Variants in LAMA2 observed in about 807,000 individuals in gnomAD.
LAMA2 encodes the protein laminin subunit alpha 2, also known as laminin subunit alpha-2.
In LAMA2, 269 loss-of-function variants were observed where a neutral mutation model predicts 364.8. The observed-to-expected ratio is 0.74, with a 90% CI of 0.67 to 0.82. LAMA2 has a LOEUF of 0.82. LAMA2 is among the 40% of genes least tolerant of loss of function. LAMA2 has a pLI of 0.00. For synonymous variants in LAMA2, 1,379 were observed against 1,370.6 expected (o/e 1.01, Z -0.14); for missense variants, 3,807 against 3,873.2 (o/e 0.98, Z 0.45).
intron 1 of LAMA2, among the ~76,000 whole-genome samples, chr6:128,941,245 C>T (rs1247354775): frequency 6.6e-6 from 1 of 152,058 alleles, no homozygotes; most frequent in Non-Finnish European, 1.5e-5. Context: ...TTCGAACATT[C>T]AACAAACACT....
At chr6:129,227,484 G>T (rs575459668) in intron 12 of LAMA2, among the ~76,000 whole-genome samples, 8 of 152,290 alleles carry the variant, frequency 5.3e-5, no homozygotes, top group Non-Finnish European at 1.0e-4. Flanking sequence ...GGTCTTTGAT[G>T]ATGATGTACG....
chr6:128,997,088 G>C (rs1783995000), intron 1 of LAMA2, among the ~76,000 whole-genome samples: 1 of 151,436 alleles, frequency 6.6e-6, no homozygotes, highest in South Asian at 2.1e-4. Flanking sequence ...AGAACATATG[G>C]ACGGACACAG....
chr6:129,434,611 A>G (rs766644465), intron 41 of LAMA2, among the ~76,000 whole-genome samples: 48 of 152,194 alleles, frequency 3.2e-4, no homozygotes, highest in Middle Eastern at 3.2e-3. Context: ...TTTTCTTTTA[A>G]CTATCGATAA....
intron 17 of LAMA2, among the ~76,000 whole-genome samples, chr6:129,275,786 T>C (rs1399627732): frequency 6.6e-6 from 1 of 151,796 alleles, no homozygotes; most frequent in Non-Finnish European, 1.5e-5. Context: ...TAATTTATTA[T>C]GGCAATATGC....
Position 129,206,070 on chromosome 6 carries a change from A to AAG in LAMA2, c.1782+13217_1782+13218insAG, listed in dbSNP as rs1562330767. The stretch of plus-strand genomic sequence containing the variant: ...AAAAAAGGAAGGGAAGGGAAGGGAA[A>AAG]GGAAAGGAAAGGAGGAAGGAAGGGA... On this transcript the variant is annotated intron_variant, in intron 12 of 64. Coordinates refer to ENST00000421865, the MANE Select transcript of LAMA2 (RefSeq NM_000426.4). 3.6e-3 allele frequency among the ~76,000 whole-genome samples: 334 copies of AAG among 92,472 alleles called. 12 individuals carry two copies. The highest frequency in any genetic ancestry group is 0.015 in the African/African-American group (300 of 20,526). 60.7% of individuals were successfully genotyped at this position (92,472 alleles called of 152,430 possible).
At chr6:129,499,011 G>A (rs975815642) in intron 58 of LAMA2, among the ~76,000 whole-genome samples, 4 of 152,076 alleles carry the variant, frequency 2.6e-5, no homozygotes, top group African/African-American at 9.7e-5. Flanking sequence ...TGGGAGCATG[G>A]CTTCCTCCAT....
intron 1 of LAMA2, among the ~76,000 whole-genome samples, chr6:128,935,614 C>T (rs996155566): frequency 1.8e-4 from 27 of 152,122 alleles, no homozygotes; most frequent in African/African-American, 5.1e-4. Flanking sequence ...TATAGATGCA[C>T]GACTGATTTT....
At chr6:129,091,569 G>A (rs995713351) in intron 3 of LAMA2, among the ~76,000 whole-genome samples, 2 of 152,206 alleles carry the variant, frequency 1.3e-5, no homozygotes, top group Non-Finnish European at 2.9e-5. Context: ...ACTTGTGGGG[G>A]TAGGGGTAGG....
chr6:129,323,513 A>G (rs540169669), intron 28 of LAMA2, among the ~76,000 whole-genome samples: 15 of 152,254 alleles, frequency 9.9e-5, no homozygotes, highest in Admixed American at 2.6e-4. Flanking sequence ...CCTAATTATT[A>G]TAATTTACTA....
chr6:129,102,978 G>A (rs547339063), intron 4 of LAMA2, among the ~76,000 whole-genome samples: 1 of 152,162 alleles, frequency 6.6e-6, no homozygotes, highest in South Asian at 2.1e-4. Context: ...TCCCACCCAT[G>A]CAGTCCTGGA....
In LAMA2 at chr6:129,037,666, A is replaced by ATTT. The variant is rs375410908; in HGVS notation, c.113-12237_113-12235dup. ...TACTCCACAATATTCATTTAATTTA[A>ATTT]TTTTTTTTTTTTTTTTTGAGACGGA... On this transcript the variant is annotated intron_variant, in intron 1 of 64. Coordinates refer to ENST00000421865, the MANE Select transcript of LAMA2 (RefSeq NM_000426.4). Among the ~76,000 whole-genome samples the ATTT allele has an allele frequency of 4.5e-4, 64 of 140,760 alleles. 1 individual carries two copies. Among genetic ancestry groups the ATTT allele is most frequent in the Middle Eastern group, 3.7e-3 (1 of 272 alleles). 92.3% of individuals were successfully genotyped at this position (140,760 alleles called of 152,430 possible).
At chr6:128,969,324 G>A (rs1489389880) in intron 1 of LAMA2, among the ~76,000 whole-genome samples, 1 of 152,126 alleles carries the variant, frequency 6.6e-6, no homozygotes, top group Non-Finnish European at 1.5e-5. Context: ...AATTTCTAAA[G>A]ACAGTGGACA....
At chr6:129,400,011 A>G (rs1779877652) in intron 37 of LAMA2, among the ~76,000 whole-genome samples, 1 of 152,146 alleles carries the variant, frequency 6.6e-6, no homozygotes, top group Non-Finnish European at 1.5e-5. Flanking sequence ...CCAAAAACTG[A>G]GTGGCTTATA....
rs1054141161 is a variant in LAMA2 at position 129,098,327 on chromosome 6, C to T, written c.551C>T (p.Pro184Leu). 6.2e-7 allele frequency: 1 copy of T among 1,613,980 alleles called. No individual in the cohort carries two copies. Among genetic ancestry groups the T allele is most frequent in the Non-Finnish European group, 8.5e-7 (1 of 1,179,962 alleles). Residue 184 changes from proline to leucine, a missense_variant, in exon 4 of 65, where the codon CCC becomes CTC. By Grantham distance (98) the Pro-to-Leu change is moderately conservative (BLOSUM62 -3). This residue lies in a region of LAMA2 where 394 missense variants were observed against 403.5 expected (regional missense o/e 0.98). Transcript: ENST00000421865. ...TECLTLYNIY[P>L]RTGPPSYAKD... ...TGCCTAACGCTTTACAATATTTATCCCCGCACTGGGCCACCGTCATATGCC... is the reference window on the plus strand; with the variant it reads ...TGCCTAACGCTTTACAATATTTATCTCCGCACTGGGCCACCGTCATATGCC...
intron 4 of LAMA2, among the ~76,000 whole-genome samples, chr6:129,129,715 G>A (rs1399494860): frequency 6.6e-6 from 1 of 151,928 alleles, no homozygotes; most frequent in Admixed American, 6.6e-5. Context: ...ACGAGGTCAG[G>A]AGATCGAGAC....
chr6:129,064,055 T>C (rs1357325625), intron 3 of LAMA2, among the ~76,000 whole-genome samples: 4 of 152,128 alleles, frequency 2.6e-5, no homozygotes, highest in Admixed American at 6.5e-5. Context: ...TTCTTTCATG[T>C]CAATTCTTTC....
chr6:129,311,343 A>C (rs951675588), intron 22 of LAMA2, among the ~76,000 whole-genome samples: 1 of 151,940 alleles, frequency 6.6e-6, no homozygotes, highest in Non-Finnish European at 1.5e-5. Flanking sequence ...GGACGGTCTC[A>C]ATCTCCTGAC....
chr6:129,016,851 C>G (rs1785109416), intron 1 of LAMA2, among the ~76,000 whole-genome samples: 1 of 151,382 alleles, frequency 6.6e-6, no homozygotes, highest in Non-Finnish European at 1.5e-5. Flanking sequence ...TACATTTGTT[C>G]ATTTTTCTAT....
At chr6:129,167,623 C>T (rs1467377123) in intron 9 of LAMA2, among the ~76,000 whole-genome samples, 5 of 152,074 alleles carry the variant, frequency 3.3e-5, no homozygotes, top group South Asian at 4.1e-4. Flanking sequence ...AATAAACATA[C>T]GTGTGCATGT....
Sources: gnomAD v4.1 joint callset for allele counts (sites outside exome capture counted in the v4.1 genomes callset) on GRCh38, gnomAD v4.1.1 for gene constraint, gnomAD v4.1.1 regional missense constraint, MANE v1.5 for transcripts, NCBI Gene and HGNC (gene_info 2026-07-23, HGNC 2026-07-21) for gene names.